Variants in SYNPR observed in about 807,000 individuals in gnomAD.
The protein encoded by SYNPR is synaptoporin.
Under a neutral mutation model 32.9 loss-of-function variants are expected in SYNPR, and 23 were observed. The ratio of observed to expected loss-of-function variants is 0.70; its 90% CI spans 0.50 to 0.99. The LOEUF is 0.99. SYNPR is among the 50% of genes least tolerant of loss of function. The pLI is 0.00. For missense variants in SYNPR, 318 were observed against 349.3 expected (o/e 0.91, Z 0.71); for synonymous variants, 146 against 135.9 (o/e 1.07, Z -0.52).
At chr3:63,228,948 C>T (rs904278177) in intron 1 of SYNPR, among the ~76,000 whole-genome samples, 3 of 152,050 alleles carry the variant, frequency 2.0e-5, no homozygotes, top group African/African-American at 7.2e-5. Context: ...AACAAACAAA[C>T]AAACAAACAG....
In SYNPR at chr3:63,494,591, G is replaced by A. The variant is rs548964037; in HGVS notation, c.209+13635G>A. On this transcript the variant is annotated intron_variant, in intron 3 of 5. Transcript: ENST00000478300. ...GATATCATTATTATCATCAAAAAAG[G>A]CCACTATTGATAAGTTTACCATATA... 1.1e-3 allele frequency among the ~76,000 whole-genome samples: 162 copies of A among 149,826 alleles called. 1 individual carries two copies. Among genetic ancestry groups the A allele is most frequent in the African/African-American group, 3.6e-3 (146 of 40,658 alleles).
At chr3:63,408,841 C>A (rs200107405) in intron 2 of SYNPR, among the ~76,000 whole-genome samples, 1 of 152,078 alleles carries the variant, frequency 6.6e-6, no homozygotes, top group Non-Finnish European at 1.5e-5. Flanking sequence ...AATGCTCTAC[C>A]GGCTATCTGG....
intron 2 of SYNPR, among the ~76,000 whole-genome samples, chr3:63,372,232 A>AGAGTC (rs1383734175): frequency 6.6e-6 from 1 of 152,102 alleles, no homozygotes; most frequent in African/African-American, 2.4e-5. Flanking sequence ...ACCATAGACA[A>AGAGTC]GAGTCCAGTC....
intron 3 of SYNPR, among the ~76,000 whole-genome samples, chr3:63,487,717 T>A (rs1198513197): frequency 6.6e-6 from 1 of 152,308 alleles, no homozygotes; most frequent in East Asian, 1.9e-4. Context: ...TAAGACTTTT[T>A]AAAAAAATTT....
chr3:63,479,683 C>T (rs1203164127), intron 2 of SYNPR, among the ~76,000 whole-genome samples: 1 of 152,174 alleles, frequency 6.6e-6, no homozygotes, highest in Non-Finnish European at 1.5e-5. Context: ...ATCTTGCCAG[C>T]TCCAGCAGCC....
rs1217578046 is a variant in SYNPR at position 63,253,809 on chromosome 3, A to G, written n.154+1223A>G. Among the ~76,000 whole-genome samples the G allele has an allele frequency of 2.0e-5, 3 of 152,216 alleles. No individual in the cohort carries two copies. In the South Asian group the frequency reaches 6.2e-4, roughly 31 times the overall value. On this transcript the variant is annotated intron_variant and non_coding_transcript_variant, in intron 2 of 4. Coordinates refer to the SYNPR transcript ENST00000478456. ...AAATACCATTTGACCCAGCCATCTC[A>G]TTACTGAGTATATACCCAAAGGATT...
intron 3 of SYNPR, among the ~76,000 whole-genome samples, chr3:63,487,505 GA>G (rs1701178392): frequency 6.6e-6 from 1 of 152,134 alleles, no homozygotes; most frequent in African/African-American, 2.4e-5. Context: ...TAGAGTGCTA[GA>G]AAAGATATTT....
intron 2 of SYNPR, among the ~76,000 whole-genome samples, chr3:63,370,352 G>A (rs1202520553): frequency 6.6e-6 from 1 of 152,202 alleles, no homozygotes; most frequent in Non-Finnish European, 1.5e-5. Context: ...TGAAAGGATT[G>A]ACTCTGCTCC....
chr3:63,365,636 T>C (rs191626670), intron 2 of SYNPR, among the ~76,000 whole-genome samples: 173 of 152,294 alleles, frequency 1.1e-3, no homozygotes, highest in Admixed American at 4.1e-3. Context: ...AAGGAATAAA[T>C]TCAGTTCCCT....
chr3:63,501,040 A>T (rs1033245657), intron 3 of SYNPR, among the ~76,000 whole-genome samples: 3 of 151,864 alleles, frequency 2.0e-5, no homozygotes, highest in Admixed American at 6.6e-5. Flanking sequence ...TGCTTAATAC[A>T]GTGCCTGGCC....
At chr3:63,246,432 C>G (rs1575574850) in intron 1 of SYNPR, among the ~76,000 whole-genome samples, 1 of 152,030 alleles carries the variant, frequency 6.6e-6, no homozygotes, top group Admixed American at 6.6e-5. Flanking sequence ...TCTTCTGGCA[C>G]TGGAGGTGCA....
intron 4 of SYNPR, among the ~76,000 whole-genome samples, chr3:63,589,667 A>C (rs1254704454): frequency 6.6e-6 from 1 of 151,052 alleles, no homozygotes; most frequent in Non-Finnish European, 1.5e-5. Flanking sequence ...AAATCAATAA[A>C]TGTAATCCAG....
chr3:63,496,046 G>A (rs1340105074), intron 3 of SYNPR, among the ~76,000 whole-genome samples: 2 of 152,078 alleles, frequency 1.3e-5, no homozygotes, highest in East Asian at 3.8e-4. Flanking sequence ...TGTGCCTGGG[G>A]AGGAGAGGGG....
At chr3:63,246,796 G>A (rs763171741) in intron 1 of SYNPR, among the ~76,000 whole-genome samples, 3 of 151,906 alleles carry the variant, frequency 2.0e-5, no homozygotes, top group Non-Finnish European at 4.4e-5. Flanking sequence ...CTTGAGCTTT[G>A]GAATTCAAAA....
intron 2 of SYNPR, among the ~76,000 whole-genome samples, chr3:63,454,581 C>A (rs1438812823): frequency 6.6e-6 from 1 of 152,084 alleles, no homozygotes; most frequent in Non-Finnish European, 1.5e-5. Context: ...AAGGCCATTT[C>A]CAATGGATCA....
intron 2 of SYNPR, among the ~76,000 whole-genome samples, chr3:63,441,041 A>C (rs1700160878): frequency 1.3e-5 from 2 of 152,214 alleles, no homozygotes; most frequent in Non-Finnish European, 2.9e-5. Context: ...CGTTGCATCC[A>C]AAGCAGAGTG....
chr3:63,495,217 T>C (rs1701349748), intron 3 of SYNPR, among the ~76,000 whole-genome samples: 1 of 152,234 alleles, frequency 6.6e-6, no homozygotes, highest in Non-Finnish European at 1.5e-5. Flanking sequence ...TTAGAGACTG[T>C]TAAGGAGTCA....
At chr3:63,525,413 T>A (rs6767426) in intron 3 of SYNPR, among the ~76,000 whole-genome samples, 58,608 of 151,870 alleles carry the variant, frequency 0.39, 11,548 homozygotes, top group African/African-American at 0.47. Flanking sequence ...ATTTTTGCAA[T>A]GCTCCCCAGG....
At chr3:63,533,519 T>C (rs1284672056) in intron 3 of SYNPR, among the ~76,000 whole-genome samples, 11 of 152,164 alleles carry the variant, frequency 7.2e-5, no homozygotes, top group Non-Finnish European at 1.3e-4. Flanking sequence ...GTCCTAAGGT[T>C]ACAAGTAACA....
Sources: allele counts gnomAD v4.1 joint callset (sites outside exome capture counted in the v4.1 genomes callset), GRCh38; gene constraint gnomAD v4.1.1; transcripts MANE v1.5; gene names NCBI Gene and HGNC (gene_info 2026-07-23, HGNC 2026-07-21).